The following PRELID2 variants were observed in gnomAD, a reference collection of about 807,000 sequenced individuals.
PRELID2 encodes PRELI domain containing 2, also known as PRELI domain-containing protein 2.
A neutral mutation model predicts 28.4 loss-of-function variants in PRELID2; 25 were observed. That is an observed-to-expected ratio of 0.88 (90% CI 0.64 to 1.23). The LOEUF is 1.23. Among genes scored for constraint, PRELID2 ranks in the 50% most tolerant of loss-of-function variants. The pLI is 0.00. For synonymous variants in PRELID2, 76 were observed against 71.6 expected (o/e 1.06, Z -0.31); for missense variants, 201 against 214.4 (o/e 0.94, Z 0.39).
At chr5:145,519,440 A>G (rs1372419856) in intron 1 of PRELID2, among the ~76,000 whole-genome samples, 1 of 152,228 alleles carries the variant, frequency 6.6e-6, no homozygotes, top group Non-Finnish European at 1.5e-5. Context: ...GTTTTTGAGG[A>G]TGATGTCAAT....
At chr5:145,570,677 C>T (rs1753007993) in intron 1 of PRELID2, among the ~76,000 whole-genome samples, 1 of 152,176 alleles carries the variant, frequency 6.6e-6, no homozygotes, top group African/African-American at 2.4e-5. Flanking sequence ...TCCTCTGCTA[C>T]CCACTTGTCC....
At chr5:145,461,581 C>T in the PRELID2 span, among the ~76,000 whole-genome samples, 29 of 152,312 alleles carry the variant, frequency 1.9e-4, no homozygotes, top group East Asian at 1.9e-4. Flanking sequence ...GGGTTATAGG[C>T]GTGAGCCATC....
rs148016181 is a variant in PRELID2, at chr5:145,777,866, G to A, written c.475-12866C>T. On this transcript the variant is annotated intron_variant, in intron 5 of 6. Coordinates refer to ENST00000683046, the MANE Select transcript of PRELID2 (RefSeq NM_205846.3). Reference sequence around the variant, plus strand: ...TGCACTCACAGGCTTGGAAGTGCCTGTCCCTGCTGCCTGGCTTCTCTCAGC... The same window carrying A: ...TGCACTCACAGGCTTGGAAGTGCCTATCCCTGCTGCCTGGCTTCTCTCAGC... 6.6e-3 allele frequency among the ~76,000 whole-genome samples: 1,006 copies of A among 152,306 alleles called. 10 individuals are homozygous for A. The highest frequency in any genetic ancestry group is 0.015 in the Admixed American group (227 of 15,306).
chr5:145,267,316 A>C, the PRELID2 span, among the ~76,000 whole-genome samples: 1 of 152,068 alleles, frequency 6.6e-6, no homozygotes, highest in Non-Finnish European at 1.5e-5. Context: ...CCACTGACCC[A>C]AATGTTAATC....
intron 1 of PRELID2, among the ~76,000 whole-genome samples, chr5:145,652,089 G>A (rs368969925): frequency 7.9e-5 from 12 of 152,156 alleles, no homozygotes; most frequent in South Asian, 2.1e-4. Context: ...ACCATGGCAC[G>A]AGAACTACAT....
chr5:145,739,386 T>A (rs1422523734), intron 1 of PRELID2, among the ~76,000 whole-genome samples: 1 of 152,046 alleles, frequency 6.6e-6, no homozygotes, highest in East Asian at 1.9e-4. Flanking sequence ...GCACCTGTAA[T>A]TCCAGCTACT....
At chr5:145,271,602 C>T in the PRELID2 span, among the ~76,000 whole-genome samples, 1 of 152,070 alleles carries the variant, frequency 6.6e-6, no homozygotes, top group African/African-American at 2.4e-5. Context: ...ACTGTCATTC[C>T]TAAATGAAGA....
chr5:145,656,976 TG>T (rs1754407494), intron 1 of PRELID2, among the ~76,000 whole-genome samples: 1 of 152,200 alleles, frequency 6.6e-6, no homozygotes, highest in Admixed American at 6.5e-5. Flanking sequence ...CATGTTTATT[TG>T]GAAGATTAAT....
the PRELID2 span, among the ~76,000 whole-genome samples, chr5:145,287,136 A>G: frequency 6.6e-6 from 1 of 152,154 alleles, no homozygotes; most frequent in Non-Finnish European, 1.5e-5. Context: ...GATACATTCC[A>G]AGACCTTCAG....
intron 1 of PRELID2, among the ~76,000 whole-genome samples, chr5:145,730,913 C>A (rs1756325976): frequency 6.6e-6 from 1 of 152,160 alleles, no homozygotes; most frequent in African/African-American, 2.4e-5. Context: ...TCCCCTCCAC[C>A]CAGAGACATT....
chr5:145,338,110 G>A, the PRELID2 span: 17 of 152,128 alleles, frequency 1.1e-4, no homozygotes, highest in African/African-American at 4.1e-4. Context: ...CTGAAGTAAT[G>A]TATTAAAAAG....
chr5:145,559,186 C>A (rs545371771), intron 1 of PRELID2, among the ~76,000 whole-genome samples: 183 of 151,026 alleles, frequency 1.2e-3, no homozygotes, highest in African/African-American at 4.1e-3. Flanking sequence ...ACCCGGGAGG[C>A]GGAGCTGGCA....
At chr5:145,786,266 G>A (rs1207493673) in intron 5 of PRELID2, among the ~76,000 whole-genome samples, 2 of 152,174 alleles carry the variant, frequency 1.3e-5, no homozygotes, top group Admixed American at 1.3e-4. Flanking sequence ...AGTGACCTGT[G>A]CCTCCTGGTA....
intron 1 of PRELID2, among the ~76,000 whole-genome samples, chr5:145,518,165 AATAATAATAATAATG>A (rs570737526): frequency 7.5e-4 from 110 of 147,424 alleles, no homozygotes; most frequent in African/African-American, 2.6e-3. Context: ...TAATAATAAT[AATAATAATAATAATG>A]ATGTCATGAG....
chr5:145,581,414 G>C (rs1162332829), intron 1 of PRELID2, among the ~76,000 whole-genome samples: 1 of 152,064 alleles, frequency 6.6e-6, no homozygotes, highest in Non-Finnish European at 1.5e-5. Context: ...ATATATGTGG[G>C]AGGTTTGCGT....
chr5:145,240,772 A>G, the PRELID2 span, among the ~76,000 whole-genome samples: 1 of 152,036 alleles, frequency 6.6e-6, no homozygotes, highest in Non-Finnish European at 1.5e-5. Context: ...CACTGTGTCA[A>G]TCCTAGGTGT....
chr5:145,449,834 G>A, the PRELID2 span, among the ~76,000 whole-genome samples: 1 of 152,050 alleles, frequency 6.6e-6, no homozygotes, highest in South Asian at 2.1e-4. Context: ...ACTTCCTGAG[G>A]GTAAGGACTG....
the PRELID2 span, among the ~76,000 whole-genome samples, chr5:145,298,133 T>C: frequency 2.0e-5 from 3 of 152,106 alleles, no homozygotes; most frequent in South Asian, 2.1e-4. Flanking sequence ...AAAGTTCATA[T>C]GGAACCAAAA....
At chr5:145,611,037 TAG>T (rs992770781) in intron 1 of PRELID2, among the ~76,000 whole-genome samples, 3 of 149,580 alleles carry the variant, frequency 2.0e-5, no homozygotes, top group Non-Finnish European at 3.0e-5. Context: ...ATATGAAATA[TAG>T]AGAGAGAGAA....
Sources: gnomAD v4.1 joint callset for allele counts (sites outside exome capture counted in the v4.1 genomes callset) on GRCh38, gnomAD v4.1.1 for gene constraint, MANE v1.5 for transcripts, NCBI Gene and HGNC (gene_info 2026-07-23, HGNC 2026-07-21) for gene names.